Variants in RASGEF1A observed in about 807,000 individuals in gnomAD.
The protein encoded by RASGEF1A is ras-GEF domain-containing family member 1A.
RASGEF1A carries 18 observed loss-of-function variants against 56.4 expected under a neutral mutation model. That is an observed-to-expected ratio of 0.32 (90% CI 0.22 to 0.47). The LOEUF (loss-of-function observed/expected upper bound fraction) is 0.47. Among genes scored for constraint, RASGEF1A ranks in the 20% least tolerant of loss-of-function variants. The pLI, the probability that RASGEF1A is intolerant of heterozygous loss-of-function variation, is 1.00. For synonymous variants in RASGEF1A, 245 were observed against 242.6 expected (o/e 1.01, Z -0.09); for missense variants, 422 against 627.1 (o/e 0.67, Z 3.49).
intron 1 of RASGEF1A, among the ~76,000 whole-genome samples, chr10:43,240,769 G>A (rs1422304156): frequency 1.3e-5 from 2 of 152,102 alleles, no homozygotes; most frequent in Non-Finnish European, 2.9e-5. Flanking sequence ...AGAAAAAGAG[G>A]AGAGTGAGAA....
At position 43,200,413 on chromosome 10, in the gene RASGEF1A, C is replaced by T. The variant is rs77562345; in HGVS notation, c.682-157G>A. On this transcript the variant is annotated intron_variant, in intron 5 of 12. Transcript: ENST00000395810. The stretch of plus-strand genomic sequence containing the variant: ...TCCATCCTAGGGCCACTGCAGTCCC[C>T]ACTGCAGGACGACACTGCTCCAGCT... Among the ~76,000 whole-genome samples the T allele has an allele frequency of 8.5e-3, 1,290 of 152,354 alleles. 53 individuals carry two copies. The East Asian group carries it at 0.097, about 11-fold the overall frequency.
intron 1 of RASGEF1A, among the ~76,000 whole-genome samples, chr10:43,217,726 TCAA>T (rs561433335): frequency 1.3e-5 from 2 of 152,322 alleles, no homozygotes; most frequent in East Asian, 3.9e-4. Flanking sequence ...AGGCCTGCCC[TCAA>T]CAGCAGGTGC....
chr10:43,250,715 C>G (rs183522739), intron 1 of RASGEF1A, among the ~76,000 whole-genome samples: 1 of 152,210 alleles, frequency 6.6e-6, no homozygotes, highest in East Asian at 1.9e-4. Context: ...ACATCTGCCC[C>G]TCACCTAGCC....
chr10:43,252,558 G>A (rs148371218), intron 1 of RASGEF1A, among the ~76,000 whole-genome samples: 16 of 152,230 alleles, frequency 1.1e-4, no homozygotes, highest in African/African-American at 3.9e-4. Flanking sequence ...CCAACTGCCT[G>A]GCCAGGCCCT....
At chr10:43,199,474 A>G (rs1314545047) in intron 7 of RASGEF1A, among the ~76,000 whole-genome samples, 2 of 152,176 alleles carry the variant, frequency 1.3e-5, no homozygotes, top group Non-Finnish European at 2.9e-5. Flanking sequence ...GCACAAGGGG[A>G]GCACTCCACG....
intron 1 of RASGEF1A, chr10:43,208,214 A>T (rs1015904780): frequency 1.0e-6 from 1 of 985,028 alleles, no homozygotes; most frequent in African/African-American, 1.8e-5. Context: ...GGGCCTCCTC[A>T]CCCCAAGCTC....
intron 1 of RASGEF1A, among the ~76,000 whole-genome samples, chr10:43,210,461 C>G (rs1312514038): frequency 6.6e-6 from 1 of 152,226 alleles, no homozygotes; most frequent in Non-Finnish European, 1.5e-5. Context: ...GCAATGGAGC[C>G]AGACCCTGCC....
rs569646180 is a variant in RASGEF1A, at chr10:43,249,401, C to T, written c.-7+17444G>A. ...CCACTCCACCCCAGCTAACCATGCT[C>T]TTCTGAGTCACGGTCCTGGGGGAAG... On this transcript the variant is annotated intron_variant, in intron 1 of 12. Transcript: ENST00000395810. Among the ~76,000 whole-genome samples, 16 of 152,374 alleles carry T rather than the reference C, an allele frequency of 1.1e-4. No homozygotes were observed. In the East Asian group the frequency reaches 3.1e-3, roughly 29 times the overall value.
At chr10:43,258,951 G>A (rs1223973438) in intron 1 of RASGEF1A, among the ~76,000 whole-genome samples, 1 of 152,202 alleles carries the variant, frequency 6.6e-6, no homozygotes, top group Admixed American at 6.5e-5. Flanking sequence ...TCCCCGGCCA[G>A]TGCTCCCCAC....
intron 1 of RASGEF1A, among the ~76,000 whole-genome samples, 181 bp from the exon 2 acceptor site, chr10:43,206,303 C>A (rs1408262962): frequency 1.3e-5 from 2 of 152,192 alleles, no homozygotes; most frequent in Admixed American, 1.3e-4. Context: ...GGTGGTCCCC[C>A]AGCCGCTGCA....
chr10:43,260,510 C>T (rs995695312), intron 1 of RASGEF1A, among the ~76,000 whole-genome samples: 6 of 152,224 alleles, frequency 3.9e-5, no homozygotes, highest in Non-Finnish European at 8.8e-5. Flanking sequence ...TATGGCAGGC[C>T]AGAGAGCCAC....
chr10:43,218,316 A>T (rs1840163220), intron 1 of RASGEF1A, among the ~76,000 whole-genome samples: 1 of 152,186 alleles, frequency 6.6e-6, no homozygotes. Flanking sequence ...AGACAGCAAC[A>T]AGTGAGGAGA....
intron 1 of RASGEF1A, among the ~76,000 whole-genome samples, chr10:43,254,667 A>AGG (rs1840667744): frequency 3.9e-5 from 6 of 151,946 alleles, no homozygotes; most frequent in Admixed American, 2.0e-4. Context: ...GGGAGTCCAT[A>AGG]AGGCTGTGCT....
chr10:43,242,073 G>C (rs545674247), intron 1 of RASGEF1A, among the ~76,000 whole-genome samples: 1 of 152,302 alleles, frequency 6.6e-6, no homozygotes, highest in East Asian at 1.9e-4. Flanking sequence ...AGGAGGTGGA[G>C]CTTGCAGTGA....
At chr10:43,200,420 GGAC>G (rs2133180903) in intron 5 of RASGEF1A, among the ~76,000 whole-genome samples, 164 bp from the exon 6 acceptor site, 1 of 152,370 alleles carries the variant, frequency 6.6e-6, no homozygotes, top group South Asian at 2.1e-4. Context: ...CCCCACTGCA[GGAC>G]GACACTGCTC....
intron 8 of RASGEF1A, 25 bp downstream of exon 8, chr10:43,199,067 C>A: frequency 1.2e-6 from 2 of 1,612,744 alleles, no homozygotes; most frequent in South Asian, 2.2e-5. Flanking sequence ...TGCAGCAGCC[C>A]CACCCTGGGT....
At chr10:43,250,314 C>T (rs1482995627) in intron 1 of RASGEF1A, among the ~76,000 whole-genome samples, 1 of 152,208 alleles carries the variant, frequency 6.6e-6, no homozygotes, top group Non-Finnish European at 1.5e-5. Flanking sequence ...CATGGACACA[C>T]CTGAGCAGCT....
Position 43,209,218 on chromosome 10 carries a change from C to T in RASGEF1A, c.-6-3096G>A, listed in dbSNP as rs759012946. 30 of 985,256 alleles carry T rather than the reference C, an allele frequency of 3.0e-5. No individual in the cohort carries two copies. The Admixed American group carries it at 3.7e-4, about 12-fold the overall frequency. The allele number at this position is 985,256 out of a possible 1,614,324, so 61.0% of individuals were successfully genotyped here. A position where few individuals can be genotyped will look rare whatever the true frequency, so the allele number is the denominator to read the frequency against. On this transcript the variant is annotated intron_variant, in intron 1 of 12. Transcript: ENST00000395810. ...TGGCCAGGGTGCTGAACACTGAAAACCGCAAGGCTACAGTTGAAGAATCCC... is the reference window on the plus strand; with the variant it reads ...TGGCCAGGGTGCTGAACACTGAAAATCGCAAGGCTACAGTTGAAGAATCCC...
At chr10:43,208,768 C>T (rs1282095058) in intron 1 of RASGEF1A, 6 of 985,584 alleles carry the variant, frequency 6.1e-6, no homozygotes, top group Non-Finnish European at 7.2e-6. Flanking sequence ...AAGCTCAAAC[C>T]TAGCAGGGCC....
Sources: gnomAD v4.1 joint callset for allele counts (sites outside exome capture counted in the v4.1 genomes callset) on GRCh38, gnomAD v4.1.1 for gene constraint, MANE v1.5 for transcripts, NCBI Gene and HGNC (gene_info 2026-07-23, HGNC 2026-07-21) for gene names.